Variants in AK9 observed in about 807,000 individuals in gnomAD.
AK9 encodes adenylate kinase 9.
A neutral mutation model predicts 239.6 loss-of-function variants in AK9; 191 were observed. The observed-to-expected ratio is 0.80, with a 90% confidence interval of 0.71 to 0.90. The LOEUF is 0.90. AK9 is among the 40% of genes least tolerant of loss of function. The probability of loss-of-function intolerance (pLI) is 0.00; values close to 1 mark genes in which losing one functional copy is unlikely to be tolerated. For synonymous variants in AK9, 689 were observed against 721.0 expected (o/e 0.96, Z 0.71); for missense variants, 1,995 against 2,214.7 (o/e 0.90, Z 1.99).
intron 10 of AK9, among the ~76,000 whole-genome samples, chr6:109,636,918 C>G (rs1257594635): frequency 6.6e-6 from 1 of 151,952 alleles, no homozygotes; most frequent in African/African-American, 2.4e-5. Context: ...GGGGAAATGC[C>G]TAGAAGTGTA....
chr6:109,540,852 T>C (rs1263338639), intron 27 of AK9, among the ~76,000 whole-genome samples: 1 of 152,206 alleles, frequency 6.6e-6, no homozygotes, highest in Non-Finnish European at 1.5e-5. Context: ...CCAACCTCTC[T>C]TCTGAGTTTT....
At chr6:109,518,189 T>C (rs1019197653) in intron 29 of AK9, among the ~76,000 whole-genome samples, 3 of 152,094 alleles carry the variant, frequency 2.0e-5, no homozygotes, top group Admixed American at 2.0e-4. Flanking sequence ...GGGAGGAAGA[T>C]GAGAGCATCA....
rs574910387 is a variant in AK9 at position 109,530,063 on chromosome 6, C to CA, written c.3571-991dup. 2.8e-3 allele frequency among the ~76,000 whole-genome samples: 423 copies of CA among 152,318 alleles called. 1 individual carries two copies. Among genetic ancestry groups the CA allele is most frequent in the African/African-American group, 9.7e-3 (404 of 41,566 alleles). ...CAGACTTGATATATAGATAGTCCTCCAACCTTCCCAGAATCCTCTAAATCT... is the reference window on the plus strand; with the variant it reads ...CAGACTTGATATATAGATAGTCCTCCAAACCTTCCCAGAATCCTCTAAATCT... On this transcript the variant is annotated intron_variant, in intron 28 of 40. Coordinates refer to ENST00000424296, the MANE Select transcript of AK9 (RefSeq NM_001145128.3).
At chr6:109,629,193 C>T (rs1323620872) in intron 12 of AK9, among the ~76,000 whole-genome samples, 3 of 152,212 alleles carry the variant, frequency 2.0e-5, no homozygotes, top group South Asian at 4.1e-4. Flanking sequence ...ATCCTCCTGC[C>T]TCAGTCTCCC....
At chr6:109,665,818 A>G (rs1261998697) in intron 5 of AK9, among the ~76,000 whole-genome samples, 1 of 152,172 alleles carries the variant, frequency 6.6e-6, no homozygotes, top group Non-Finnish European at 1.5e-5. Flanking sequence ...CTATGCTGGT[A>G]ATACTTCCCA....
Position 109,614,450 on chromosome 6 carries a change from T to G in AK9, c.1430A>C (p.Gln477Pro). The G allele has an allele frequency of 1.3e-6, 2 of 1,551,312 alleles. No individual in the cohort carries two copies. Among genetic ancestry groups the G allele is most frequent in the Non-Finnish European group, 1.7e-6 (2 of 1,146,732 alleles). ...TACTCCAAACTCCATTTTTTCATAT[T>G]GCCTTTGAAATTCTCTTAAAGCTGT... ...AETALREFQR[Q>P]YEKMEFGVFP... The change falls in exon 14 of 41, where the codon CAA becomes CCA. Residue 477 changes from glutamine (Q) to proline (P), a missense_variant. Transcript: ENST00000424296.
chr6:109,648,192 G>A (rs935979309), intron 8 of AK9, among the ~76,000 whole-genome samples: 2 of 152,032 alleles, frequency 1.3e-5, no homozygotes, highest in Non-Finnish European at 2.9e-5. Context: ...AGAAAAGCAA[G>A]AGCAAACACA....
intron 2 of AK9, among the ~76,000 whole-genome samples, chr6:109,675,037 T>C (rs763652562): frequency 5.3e-5 from 8 of 152,192 alleles, no homozygotes; most frequent in Non-Finnish European, 7.4e-5. Context: ...AGTCAACACA[T>C]AGGTCCCCTA....
intron 17 of AK9, among the ~76,000 whole-genome samples, chr6:109,603,449 G>A (rs960046521): frequency 9.2e-5 from 14 of 152,192 alleles, no homozygotes; most frequent in South Asian, 4.1e-4. Context: ...TCTCAGAGGG[G>A]TACCTGGCCG....
At chr6:109,518,401 G>A (rs936123764) in intron 29 of AK9, among the ~76,000 whole-genome samples, 2 of 151,926 alleles carry the variant, frequency 1.3e-5, no homozygotes, top group Non-Finnish European at 2.9e-5. Flanking sequence ...AGTGGGATAG[G>A]TCTACACTAC....
At position 109,518,896 on chromosome 6, in the gene AK9, A is replaced by G. The variant is rs139252061; in HGVS notation, c.3634-2254T>C. On this transcript the variant is annotated intron_variant, in intron 29 of 40. Transcript: ENST00000424296. ...ATTGCATGATGCTGAAGTTTGGGGT[A>G]TGATTGATTGTGTCACCCGGATAGT... is the stretch of plus-strand genomic sequence containing the variant. Among the ~76,000 whole-genome samples, 81 of 152,114 alleles carry G rather than the reference A, an allele frequency of 5.3e-4. No homozygotes were observed. In the East Asian group the frequency reaches 0.015, roughly 28 times the overall value.
At chr6:109,555,343 A>C (rs1784868183) in intron 24 of AK9, among the ~76,000 whole-genome samples, 1 of 152,176 alleles carries the variant, frequency 6.6e-6, no homozygotes, top group South Asian at 2.1e-4. Flanking sequence ...CTTAATCCTG[A>C]GTCCTAATTT....
intron 5 of AK9, among the ~76,000 whole-genome samples, chr6:109,669,369 A>G (rs1376063407): frequency 6.6e-6 from 1 of 151,952 alleles, no homozygotes; most frequent in African/African-American, 2.4e-5. Context: ...TCCGAATTGA[A>G]TACCCTTTAT....
intron 21 of AK9, among the ~76,000 whole-genome samples, chr6:109,570,626 AC>A (rs1489245608): frequency 1.3e-5 from 2 of 152,140 alleles, no homozygotes; most frequent in Non-Finnish European, 2.9e-5. Context: ...GAGAAGGTAA[AC>A]CAGTGACATG....
At chr6:109,545,717 A>C in intron 26 of AK9, 150 bp downstream of exon 26, 1 of 913,916 alleles carries the variant, frequency 1.1e-6, no homozygotes, top group East Asian at 2.6e-5. Context: ...CAGGAGGATC[A>C]CCTGAGCCCA....
At chr6:109,568,236 T>G (rs1372038062) in intron 21 of AK9, among the ~76,000 whole-genome samples, 1 of 152,136 alleles carries the variant, frequency 6.6e-6, no homozygotes, top group Admixed American at 6.6e-5. Context: ...CAGCGCTTCA[T>G]GCTAAAAACT....
intron 21 of AK9, among the ~76,000 whole-genome samples, chr6:109,565,620 A>C (rs1398831947): frequency 6.6e-6 from 1 of 152,188 alleles, no homozygotes; most frequent in Non-Finnish European, 1.5e-5. Context: ...TTGAAGATAT[A>C]GGTTGAAAAC....
Position 109,497,521 on chromosome 6 carries a change from T to C in AK9, c.5259A>G (p.Glu1753=). 6.2e-7 allele frequency: 1 copy of C among 1,610,456 alleles called. No homozygotes were observed. Among genetic ancestry groups the C allele is most frequent in the East Asian group, 2.2e-5 (1 of 44,840 alleles). Residue 1753 remains glutamate (E), a synonymous_variant, in exon 38 of 41, where the codon GAA becomes GAG. Coordinates refer to ENST00000424296, the MANE Select transcript of AK9 (RefSeq NM_001145128.3). Reference sequence around the variant, plus strand: ...CACAAATATATATACGATTATGATATTCTAAAGCATAGTTAATGCTACCAG... The same window carrying C: ...CACAAATATATATACGATTATGATACTCTAAAGCATAGTTAATGCTACCAG... ...LVPGSINYAL[E]YHNRIYICEN...
intron 35 of AK9, among the ~76,000 whole-genome samples, chr6:109,504,212 A>C (rs1777880979): frequency 1.3e-5 from 2 of 152,050 alleles, no homozygotes; most frequent in South Asian, 4.1e-4. Context: ...AACATTTAAA[A>C]AATTAGCTGG....
Sources: gnomAD v4.1 joint callset for allele counts (sites outside exome capture counted in the v4.1 genomes callset) on GRCh38, gnomAD v4.1.1 for gene constraint, MANE v1.5 for transcripts, NCBI Gene and HGNC (gene_info 2026-07-23, HGNC 2026-07-21) for gene names.